The following AK5 variants were observed in gnomAD, a reference collection of about 807,000 sequenced individuals.
AK5 encodes the protein adenylate kinase 5.
AK5 carries 27 observed loss-of-function variants against 69.5 expected under a neutral mutation model. The observed-to-expected ratio is 0.39, with a 90% confidence interval of 0.29 to 0.54. The LOEUF (loss-of-function observed/expected upper bound fraction) is 0.54. AK5 is among the 20% of genes least tolerant of loss of function. The pLI, the probability that AK5 is intolerant of heterozygous loss-of-function variation, is 0.71. For missense variants in AK5, 531 were observed against 700.4 expected (o/e 0.76, Z 2.73); for synonymous variants, 260 against 244.4 (o/e 1.06, Z -0.60).
At chr1:77,523,099 T>C (rs1223382516) in intron 12 of AK5, among the ~76,000 whole-genome samples, 2 of 152,200 alleles carry the variant, frequency 1.3e-5, no homozygotes, top group Admixed American at 6.5e-5. Context: ...ATTATACTTG[T>C]GTGTCTCTGG....
intron 6 of AK5, among the ~76,000 whole-genome samples, chr1:77,342,874 T>C (rs1661728142): frequency 6.6e-6 from 1 of 151,928 alleles, no homozygotes; most frequent in Non-Finnish European, 1.5e-5. Flanking sequence ...TCCTGATTCA[T>C]TCATTTACTC....
chr1:77,533,001 C>T (rs1658735194), intron 12 of AK5, among the ~76,000 whole-genome samples: 2 of 152,172 alleles, frequency 1.3e-5, no homozygotes, highest in Admixed American at 6.5e-5. Context: ...TAGATGGTAT[C>T]TCATTGAAAC....
At chr1:77,443,108 A>T (rs1448942763) in intron 8 of AK5, among the ~76,000 whole-genome samples, 2 of 152,136 alleles carry the variant, frequency 1.3e-5, no homozygotes, top group African/African-American at 4.8e-5. Flanking sequence ...GTAATAATTA[A>T]ACATTAATTT....
At chr1:77,352,077 C>A (rs1320814858) in intron 6 of AK5, among the ~76,000 whole-genome samples, 1 of 151,936 alleles carries the variant, frequency 6.6e-6, no homozygotes, top group Non-Finnish European at 1.5e-5. Flanking sequence ...TTACAGGTGC[C>A]TGCCACCATG....
chr1:77,283,236 T>C, intron 1 of AK5: 1 of 985,450 alleles, frequency 1.0e-6, no homozygotes, highest in Middle Eastern at 5.2e-4. Flanking sequence ...CCTTTCCTTC[T>C]CTTTGTATTT....
At chr1:77,530,389 T>A (rs1339172733) in intron 12 of AK5, among the ~76,000 whole-genome samples, 1 of 152,238 alleles carries the variant, frequency 6.6e-6, no homozygotes, top group African/African-American at 2.4e-5. Context: ...CAAGGGGACA[T>A]ACCTCAAGGT....
intron 8 of AK5, among the ~76,000 whole-genome samples, chr1:77,440,281 C>G (rs1652244367): frequency 6.6e-6 from 1 of 152,102 alleles, no homozygotes; most frequent in Non-Finnish European, 1.5e-5. Context: ...TTTTGCCATT[C>G]TTTGAATATG....
intron 5 of AK5, among the ~76,000 whole-genome samples, chr1:77,308,042 A>T (rs1470102697): frequency 6.6e-6 from 1 of 152,092 alleles, no homozygotes; most frequent in African/African-American, 2.4e-5. Context: ...ATCATTTCTC[A>T]TGCTCCATTG....
chr1:77,376,583 G>A (rs1647270555), intron 6 of AK5, among the ~76,000 whole-genome samples: 1 of 150,610 alleles, frequency 6.6e-6, no homozygotes, highest in South Asian at 2.1e-4. Context: ...ACATTTTAAT[G>A]TTATATTTAC....
rs554404524 is a variant in AK5, at chr1:77,451,817, A to G, written c.1060-31500A>G. The stretch of plus-strand genomic sequence containing the variant: ...GGTTAACTGGTGCCTGTCCAGAGAA[A>G]TCTCTCCTGACAAGACCCTCCTACC... On this transcript the variant is annotated intron_variant, in intron 8 of 13. Coordinates refer to ENST00000354567, the MANE Select transcript of AK5 (RefSeq NM_174858.3). Among the ~76,000 whole-genome samples the G allele has an allele frequency of 1.4e-4, 22 of 152,238 alleles. No homozygotes were observed. In the East Asian group the frequency reaches 3.9e-3, roughly 27 times the overall value.
intron 6 of AK5, among the ~76,000 whole-genome samples, chr1:77,379,639 A>G (rs1225661027): frequency 6.6e-6 from 1 of 152,216 alleles, no homozygotes; most frequent in Non-Finnish European, 1.5e-5. Flanking sequence ...CATCTTAGGT[A>G]GGAATTTGGG....
chr1:77,486,309 T>G lies in AK5; in HGVS notation c.1104T>G (p.Gly368=). 6.3e-7 allele frequency: 1 copy of G among 1,575,254 alleles called. No homozygotes were observed. Among genetic ancestry groups the G allele is most frequent in the Non-Finnish European group, 8.7e-7 (1 of 1,147,438 alleles). ...LNVFGEDTMG[G]FMEDLRKCKI... ...ACTTAAGTTATTCTTATTTTAAAGG[T>G]TTCATGGAAGATTTGAGAAAGTGTA... is the stretch of plus-strand genomic sequence containing the variant. Residue 368 remains glycine, a splice_region_variant and synonymous_variant, in exon 10 of 14, where the codon GGT becomes GGG. Transcript: ENST00000354567.
At chr1:77,377,827 T>C (rs1647347736) in intron 6 of AK5, among the ~76,000 whole-genome samples, 1 of 152,208 alleles carries the variant, frequency 6.6e-6, no homozygotes, top group Admixed American at 6.5e-5. Context: ...ATTTTTCTTG[T>C]TATCCTGTTA....
intron 6 of AK5, among the ~76,000 whole-genome samples, chr1:77,343,973 G>A (rs1661788450): frequency 1.3e-5 from 2 of 152,174 alleles, no homozygotes; most frequent in African/African-American, 4.8e-5. Context: ...CTTTAAAAGT[G>A]TCTATTAATG....
chr1:77,532,813 G>A (rs1341579828), intron 12 of AK5, among the ~76,000 whole-genome samples: 1 of 152,150 alleles, frequency 6.6e-6, no homozygotes, highest in Admixed American at 6.5e-5. Context: ...GATGTTGGGG[G>A]CAGGCCAATG....
At chr1:77,461,695 G>A (rs542127074) in intron 8 of AK5, among the ~76,000 whole-genome samples, 2 of 151,844 alleles carry the variant, frequency 1.3e-5, no homozygotes, top group South Asian at 4.2e-4. Flanking sequence ...GCTTGAACCC[G>A]GGAGGTGGAG....
intron 6 of AK5, among the ~76,000 whole-genome samples, chr1:77,380,733 A>G (rs1647572046): frequency 6.6e-6 from 1 of 152,180 alleles, no homozygotes; most frequent in Admixed American, 6.5e-5. Flanking sequence ...ATGTGCTGTC[A>G]AGATGTGTGC....
chr1:77,472,662 C>T (rs765042000), intron 8 of AK5, among the ~76,000 whole-genome samples: 9 of 150,628 alleles, frequency 6.0e-5, no homozygotes, highest in Admixed American at 1.3e-4. Context: ...GCAGGTGGAT[C>T]GCTTGAGCTC....
intron 12 of AK5, among the ~76,000 whole-genome samples, chr1:77,525,698 T>A (rs1448039551): frequency 2.0e-5 from 3 of 152,204 alleles, no homozygotes; most frequent in Non-Finnish European, 4.4e-5. Flanking sequence ...CATTTCAACA[T>A]GGGATTTGGA....
Sources: gnomAD v4.1 joint callset for allele counts (sites outside exome capture counted in the v4.1 genomes callset) on GRCh38, gnomAD v4.1.1 for gene constraint, MANE v1.5 for transcripts, NCBI Gene and HGNC (gene_info 2026-07-23, HGNC 2026-07-21) for gene names.